The following SH3D19 variants were observed in gnomAD, a reference collection of about 807,000 sequenced individuals.
SH3D19 encodes SH3 domain containing 19.
SH3D19 carries 58 observed loss-of-function variants against 112.1 expected under a neutral mutation model. That is an observed-to-expected ratio of 0.52 (90% CI 0.42 to 0.64). The LOEUF is 0.64. Among genes scored for constraint, SH3D19 ranks in the 30% least tolerant of loss-of-function variants. The pLI is 0.00. For synonymous variants in SH3D19, 391 were observed against 448.5 expected (o/e 0.87, Z 1.62); for missense variants, 1,090 against 1,263.4 (o/e 0.86, Z 2.08).
intron 17 of SH3D19, among the ~76,000 whole-genome samples, chr4:151,128,610 T>C (rs577351310): frequency 4.1e-4 from 63 of 152,294 alleles, no homozygotes; most frequent in South Asian, 1.7e-3. Flanking sequence ...TTTTAAGGGA[T>C]ATACAAAGCT....
At chr4:151,270,667 C>A (rs562203417) in intron 1 of SH3D19, among the ~76,000 whole-genome samples, 1 of 152,108 alleles carries the variant, frequency 6.6e-6, no homozygotes, top group African/African-American at 2.4e-5. Context: ...TAATGCATTG[C>A]CCTACAGCTC....
At chr4:151,238,325 G>A (rs569966982) in intron 1 of SH3D19, among the ~76,000 whole-genome samples, 2 of 152,240 alleles carry the variant, frequency 1.3e-5, no homozygotes, top group African/African-American at 4.8e-5. Flanking sequence ...AGGATAGTAT[G>A]GAATTCTTAG....
At chr4:151,164,588 T>A (rs1159999778) in intron 8 of SH3D19, among the ~76,000 whole-genome samples, 1 of 152,026 alleles carries the variant, frequency 6.6e-6, no homozygotes, top group Non-Finnish European at 1.5e-5. Context: ...CTAATTTTTT[T>A]TTTTTTTTTG....
At chr4:151,271,776 A>T (rs2149997949) in intron 1 of SH3D19, among the ~76,000 whole-genome samples, 1 of 152,384 alleles carries the variant, frequency 6.6e-6, no homozygotes, top group African/African-American at 2.4e-5. Context: ...GCCATTAATT[A>T]TCACATGCTA....
intron 1 of SH3D19, among the ~76,000 whole-genome samples, chr4:151,257,765 C>G (rs574248076): frequency 1.3e-5 from 2 of 152,052 alleles, no homozygotes; most frequent in South Asian, 4.2e-4. Context: ...AAAAATTAGC[C>G]AGGTGTGGTG....
At chr4:151,273,506 C>T (rs1773368246) in intron 1 of SH3D19, among the ~76,000 whole-genome samples, 2 of 143,624 alleles carry the variant, frequency 1.4e-5, no homozygotes, top group South Asian at 4.6e-4. Flanking sequence ...AGGTGAATCG[C>T]TTGAACCTCG....
Position 151,325,494 on chromosome 4 carries a change from G to A in SH3D19, c.-142C>T. Reference sequence around the variant, plus strand: ...CGGAGAGGAGGCGTCGGCGGCGGCTGTGGAAATGGCCACCTCCGCGAACTC... The same window carrying A: ...CGGAGAGGAGGCGTCGGCGGCGGCTATGGAAATGGCCACCTCCGCGAACTC... On this transcript the variant is annotated 5_prime_UTR_variant, in exon 1 of 20. Coordinates refer to ENST00000604030, the MANE Select transcript of SH3D19 (RefSeq NM_001378122.1). 1 of 340,978 alleles carries A rather than the reference G, an allele frequency of 2.9e-6. No homozygotes were observed. Among genetic ancestry groups the A allele is most frequent in the Non-Finnish European group, 5.1e-6 (1 of 197,286 alleles). The allele number at this position is 340,978 out of a possible 1,614,324, so 21.1% of individuals were successfully genotyped here. A position where few individuals can be genotyped will look rare whatever the true frequency, so the allele number is the denominator to read the frequency against.
At chr4:151,313,607 G>A (rs1365035210) in intron 1 of SH3D19, among the ~76,000 whole-genome samples, 4 of 151,914 alleles carry the variant, frequency 2.6e-5, no homozygotes, top group Admixed American at 6.6e-5. Flanking sequence ...TTATAAAGTC[G>A]GGGTCTTGCT....
At chr4:151,299,140 C>T (rs1430072143) in intron 1 of SH3D19, among the ~76,000 whole-genome samples, 1 of 152,186 alleles carries the variant, frequency 6.6e-6, no homozygotes. Flanking sequence ...GTTGCAACTA[C>T]TGCAAAGCTT....
chr4:151,187,199 C>A (rs528964085), intron 3 of SH3D19, among the ~76,000 whole-genome samples: 16 of 150,314 alleles, frequency 1.1e-4, no homozygotes, highest in East Asian at 7.8e-4. Context: ...GGAAAAAAAA[C>A]CCCAGCTTTG....
At position 151,320,636 on chromosome 4, in the gene SH3D19, C is replaced by T. The variant is rs145891775; in HGVS notation, c.112+4605G>A. Reference sequence around the variant, plus strand: ...GGTGGAAGAAGATATTTGTAACACACATAACCAACAAAAGTTGAGATTCCT... The same window carrying T: ...GGTGGAAGAAGATATTTGTAACACATATAACCAACAAAAGTTGAGATTCCT... On this transcript the variant is annotated intron_variant, in intron 1 of 19. Transcript: ENST00000604030. Among the ~76,000 whole-genome samples the T allele has an allele frequency of 2.6e-3, 391 of 152,154 alleles. 1 individual carries two copies. Among genetic ancestry groups the T allele is most frequent in the African/African-American group, 8.8e-3 (364 of 41,530 alleles).
chr4:151,196,338 G>A (rs1293488664), intron 2 of SH3D19, among the ~76,000 whole-genome samples: 2 of 152,148 alleles, frequency 1.3e-5, no homozygotes, highest in Non-Finnish European at 2.9e-5. Context: ...CTGAGGCAGG[G>A]GGATGGCTTG....
intron 1 of SH3D19, among the ~76,000 whole-genome samples, chr4:151,289,674 T>C (rs1775137782): frequency 6.6e-6 from 1 of 152,244 alleles, no homozygotes; most frequent in African/African-American, 2.4e-5. Context: ...GTGCAGCCTC[T>C]TTGAAAAACT....
At chr4:151,260,922 A>G (rs577220787) in intron 1 of SH3D19, among the ~76,000 whole-genome samples, 1 of 152,284 alleles carries the variant, frequency 6.6e-6, no homozygotes, top group South Asian at 2.1e-4. Context: ...ACCATCCAAT[A>G]AAGACTCTCC....
rs376555755 is a variant in SH3D19, at chr4:151,195,615, TA to T, written c.153-8153del. ...TTTTCTTAAAATTAGAACATTTATA[TA>T]TTTTTTTAATCTTTTATCAGAGAGG... On this transcript the variant is annotated intron_variant, in intron 2 of 19. Coordinates refer to ENST00000604030, the MANE Select transcript of SH3D19 (RefSeq NM_001378122.1). 2.2e-3 allele frequency among the ~76,000 whole-genome samples: 331 copies of T among 151,988 alleles called. 2 individuals are homozygous for T. Among genetic ancestry groups the T allele is most frequent in the African/African-American group, 7.3e-3 (304 of 41,514 alleles).
intron 2 of SH3D19, among the ~76,000 whole-genome samples, chr4:151,194,200 G>C (rs1168068162): frequency 4.1e-5 from 6 of 146,408 alleles, no homozygotes; most frequent in Admixed American, 4.1e-4. Context: ...TAGTTTTTTT[G>C]TATTTTTAGT....
intron 2 of SH3D19, among the ~76,000 whole-genome samples, chr4:151,192,159 G>A (rs948417453): frequency 1.3e-5 from 2 of 151,732 alleles, no homozygotes; most frequent in Non-Finnish European, 2.9e-5. Context: ...GGATGGTCTC[G>A]ATCTCCTGAC....
chr4:151,184,219 C>T (rs1173471011), intron 3 of SH3D19, among the ~76,000 whole-genome samples: 14 of 152,130 alleles, frequency 9.2e-5, no homozygotes, highest in Admixed American at 9.2e-4. Context: ...GAACTACAAC[C>T]AGTTAAAGAA....
At chr4:151,295,759 C>T (rs977455251) in intron 1 of SH3D19, among the ~76,000 whole-genome samples, 2 of 152,096 alleles carry the variant, frequency 1.3e-5, no homozygotes, top group Non-Finnish European at 2.9e-5. Context: ...GTTTTTAGGC[C>T]GGGTGCAGTG....
Sources: gnomAD v4.1 joint callset for allele counts (sites outside exome capture counted in the v4.1 genomes callset) on GRCh38, gnomAD v4.1.1 for gene constraint, MANE v1.5 for transcripts, NCBI Gene and HGNC (gene_info 2026-07-23, HGNC 2026-07-21) for gene names.